DSCAM: variants seen among roughly 807,000 people sequenced by gnomAD.
DSCAM encodes DS cell adhesion molecule.
DSCAM carries 47 observed loss-of-function variants against 217.7 expected under a neutral mutation model. The ratio of observed to expected loss-of-function variants is 0.22; its 90% CI spans 0.17 to 0.28. The LOEUF (loss-of-function observed/expected upper bound fraction) is 0.28. DSCAM is among the 10% of genes least tolerant of loss of function. DSCAM has a pLI of 1.00. For missense variants in DSCAM, 2,080 were observed against 2,618.3 expected (o/e 0.79, Z 4.49); for synonymous variants, 1,056 against 1,015.3 (o/e 1.04, Z -0.76).
At chr21:40,762,729 C>T (rs896642630) in intron 1 of DSCAM, among the ~76,000 whole-genome samples, 2 of 152,158 alleles carry the variant, frequency 1.3e-5, no homozygotes, top group African/African-American at 4.8e-5. Context: ...TACTGGCAAA[C>T]CGAATCCAGC....
intron 3 of DSCAM, among the ~76,000 whole-genome samples, chr21:40,373,348 A>G (rs2074918091): frequency 6.6e-6 from 1 of 152,116 alleles, no homozygotes; most frequent in South Asian, 2.1e-4. Flanking sequence ...CATTCGTTGG[A>G]CCAGCACTGT....
intron 20 of DSCAM, among the ~76,000 whole-genome samples, chr21:40,104,687 A>AAAC (rs1470122567): frequency 6.6e-6 from 1 of 152,178 alleles, no homozygotes; most frequent in Non-Finnish European, 1.5e-5. Context: ...AGTCTTACAT[A>AAAC]AACTATGAAC....
rs577016818 is a variant in DSCAM at position 40,713,710 on chromosome 21, C to G, written c.44-4939G>C. 3.6e-4 allele frequency among the ~76,000 whole-genome samples: 55 copies of G among 152,280 alleles called. No homozygotes were observed. The South Asian group carries it at 0.011, about 30-fold the overall frequency. On this transcript the variant is annotated intron_variant, in intron 1 of 32. Coordinates refer to ENST00000400454, the MANE Select transcript of DSCAM (RefSeq NM_001389.5). ...TCAAGATTTGGTATGGTGGAATGAG[C>G]TCATGCATTTTAGCACTACATCTTG... is the stretch of plus-strand genomic sequence containing the variant.
intron 3 of DSCAM, among the ~76,000 whole-genome samples, chr21:40,480,499 A>G (rs2075973150): frequency 6.6e-6 from 1 of 152,204 alleles, no homozygotes; most frequent in Non-Finnish European, 1.5e-5. Flanking sequence ...TGCAAATATC[A>G]TACTTCATTT....
chr21:40,339,681 A>G (rs958750875), intron 6 of DSCAM, among the ~76,000 whole-genome samples: 2 of 54,216 alleles, frequency 3.7e-5, no homozygotes, highest in Non-Finnish European at 9.6e-5. Context: ...TCAGATGTTC[A>G]GGTTAAACAA....
intron 20 of DSCAM, among the ~76,000 whole-genome samples, chr21:40,105,312 C>T (rs2089804574): frequency 6.6e-6 from 1 of 152,058 alleles, no homozygotes. Context: ...TAGTTATTGG[C>T]TTGTTCACTG....
chr21:40,513,512 T>C (rs951534213), intron 3 of DSCAM, among the ~76,000 whole-genome samples: 1 of 152,152 alleles, frequency 6.6e-6, no homozygotes, highest in African/African-American at 2.4e-5. Context: ...CTTCAAATCA[T>C]GGTGGAAGGT....
chr21:40,341,449 G>A (rs1460055499), intron 6 of DSCAM, among the ~76,000 whole-genome samples: 2 of 151,984 alleles, frequency 1.3e-5, no homozygotes, highest in East Asian at 3.9e-4. Flanking sequence ...TTCTCTTTTT[G>A]TAGGTAAATT....
At position 40,826,169 on chromosome 21, in the gene DSCAM, T is replaced by C. The variant is rs115874105; in HGVS notation, c.43+20450A>G. ...CTGAACAATCAAGGAGGCCACTTTG[T>C]TTTAGATCAGGTGGTCAGGGAGACC... is the stretch of plus-strand genomic sequence containing the variant. On this transcript the variant is annotated intron_variant, in intron 1 of 32. Coordinates refer to ENST00000400454, the MANE Select transcript of DSCAM (RefSeq NM_001389.5). 8.0e-3 allele frequency among the ~76,000 whole-genome samples: 1,221 copies of C among 152,320 alleles called. 23 individuals carry two copies. The highest frequency in any genetic ancestry group is 0.028 in the African/African-American group (1,171 of 41,576).
intron 3 of DSCAM, among the ~76,000 whole-genome samples, chr21:40,463,694 C>T (rs2075822875): frequency 6.6e-6 from 1 of 152,168 alleles, no homozygotes; most frequent in African/African-American, 2.4e-5. Flanking sequence ...TGGCACCACC[C>T]ATCCATGTGC....
chr21:40,791,614 C>T (rs1267932395), intron 1 of DSCAM, among the ~76,000 whole-genome samples: 1 of 152,154 alleles, frequency 6.6e-6, no homozygotes, highest in Non-Finnish European at 1.5e-5. Context: ...GATTGCGCCA[C>T]TGCACTCCAG....
At chr21:40,659,361 CTATCTATCTATCTATCT>C (rs2090111355) in intron 3 of DSCAM, among the ~76,000 whole-genome samples, 6 of 75,784 alleles carry the variant, frequency 7.9e-5, no homozygotes, top group African/African-American at 2.4e-4. Context: ...GAGTATCTAT[CTATCTATCTATCTATCT>C]ATCTATCTAT....
In DSCAM at chr21:40,637,438, A is replaced by T. The variant is rs865821049; in HGVS notation, c.508+55372T>A. Among the ~76,000 whole-genome samples, 7 of 15,802 alleles carry T rather than the reference A, an allele frequency of 4.4e-4. 2 individuals are homozygous for T. Among genetic ancestry groups the T allele is most frequent in the Admixed American group, 3.4e-3 (2 of 582 alleles). 10.4% of individuals were successfully genotyped at this position (15,802 alleles called of 152,430 possible). A position where few individuals can be genotyped will look rare whatever the true frequency, so the allele number is the denominator to read the frequency against. On this transcript the variant is annotated intron_variant, in intron 3 of 32. Transcript: ENST00000400454. The stretch of plus-strand genomic sequence containing the variant: ...ATATATATATAAATATATAAATATA[A>T]ATATATATATAAATATATACAAATA...
At chr21:40,175,787 ACACACACACACACACACACACG>A (rs1439233216) in intron 15 of DSCAM, among the ~76,000 whole-genome samples, 2 of 99,944 alleles carry the variant, frequency 2.0e-5, no homozygotes, top group East Asian at 3.1e-4. Context: ...ACATACACAC[ACACACACACACACACACACACG>A]CACACACACA....
chr21:40,525,122 G>T (rs984213897), intron 3 of DSCAM, among the ~76,000 whole-genome samples: 1 of 151,630 alleles, frequency 6.6e-6, no homozygotes, highest in Non-Finnish European at 1.5e-5. Context: ...TTTCAGAAAG[G>T]CTCATCATAA....
chr21:40,754,788 C>T (rs2091260129), intron 1 of DSCAM, among the ~76,000 whole-genome samples: 1 of 152,190 alleles, frequency 6.6e-6, no homozygotes, highest in Non-Finnish European at 1.5e-5. Context: ...CTTAATTGTC[C>T]TGTGTCTCCT....
chr21:40,092,709 T>G (rs7277323), intron 21 of DSCAM, among the ~76,000 whole-genome samples: 25,675 of 152,214 alleles, frequency 0.17, 2,339 homozygotes, highest in African/African-American at 0.22. Context: ...GCTCAGTCCT[T>G]ATGTCCAACA....
intron 1 of DSCAM, among the ~76,000 whole-genome samples, chr21:40,752,160 G>A (rs1355188950): frequency 1.3e-5 from 2 of 152,230 alleles, no homozygotes; most frequent in African/African-American, 4.8e-5. Context: ...AACTACATAA[G>A]CCACATGGTT....
chr21:40,670,378 CA>C (rs35052398), intron 3 of DSCAM, among the ~76,000 whole-genome samples: 15,994 of 151,752 alleles, frequency 0.11, 2,472 homozygotes, highest in African/African-American at 0.34. Context: ...TCTACTAAAA[CA>C]AAAAAAAAAT....
Sources: allele counts gnomAD v4.1 joint callset (sites outside exome capture counted in the v4.1 genomes callset), GRCh38; gene constraint gnomAD v4.1.1; transcripts MANE v1.5; gene names NCBI Gene and HGNC (gene_info 2026-07-23, HGNC 2026-07-21).